The following TRIM17 variants were observed in gnomAD, a reference collection of about 807,000 sequenced individuals.
TRIM17 encodes the protein E3 ubiquitin-protein ligase TRIM17.
Under a neutral mutation model 35.8 loss-of-function variants are expected in TRIM17, and 27 were observed. The observed-to-expected ratio is 0.75, with a 90% confidence interval of 0.56 to 1.04. The LOEUF is 1.04. Ranked by LOEUF, TRIM17 falls within the 50% of genes least tolerant of loss-of-function variation. The pLI is 0.00. For synonymous variants in TRIM17, 246 were observed against 252.6 expected, an observed-to-expected ratio of 0.97 and a Z score of 0.25; for missense variants, 582 against 612.8, an observed-to-expected ratio of 0.95 and a Z score of 0.53.
At chr1:228,415,507 C>T (rs1446702883) in intron 1 of TRIM17, 1 of 163,470 alleles carries the variant, frequency 6.1e-6, no homozygotes, top group Non-Finnish European at 1.3e-5. Context: ...GGAGCCTTCC[C>T]TTAATCACTT....
Position 228,414,647 on chromosome 1 carries a change from G to T in TRIM17, c.426C>A (p.Tyr142Ter). 1.2e-6 allele frequency: 2 copies of T among 1,611,014 alleles called. No homozygotes were observed. The highest frequency in any genetic ancestry group is 2.2e-5 in the East Asian group (1 of 44,868). The change falls in exon 2 of 7, where the codon TAC becomes TAA. Residue 142 changes from tyrosine (Y) to a stop codon, truncating the protein, a stop_gained. Coordinates refer to ENST00000366698, the MANE Select transcript of TRIM17 (RefSeq NM_016102.4). LOFTEE classifies it high-confidence loss of function. ...VLPAEEAVQG[Y>*]KLKLEEDMEY... ...CCTGGGCCCCGATGTGGCCTACCTT[G>T]TACCCCTGCACTGCCTCCTCGGCGG...
rs775804041 is a variant in TRIM17, at chr1:228,409,234, G to T, written c.821C>A (p.Pro274Gln). 1 of 1,613,754 alleles carries T rather than the reference G, an allele frequency of 6.2e-7. No homozygotes were observed. The highest frequency in any genetic ancestry group is 8.5e-7 in the Non-Finnish European group (1 of 1,179,896). The stretch of plus-strand genomic sequence containing the variant: ...TCTGCACACAGTCCTGGGTCTGGTT[G>T]GGGGGGCAACCTCTGGGCACTGCAC... ...VSVQCPEVAPPTRPRTVCRVP... is the reference protein window; with the variant it reads ...VSVQCPEVAPQTRPRTVCRVP... The change falls in exon 6 of 7, where the codon CCA becomes CAA. Residue 274 changes from proline (P) to glutamine (Q), a missense_variant. Pro to Gln is a moderately conservative substitution (Grantham distance 76). Coordinates refer to ENST00000366698, the MANE Select transcript of TRIM17 (RefSeq NM_016102.4).
chr1:228,413,093 C>T (rs1321452510), intron 3 of TRIM17, among the ~76,000 whole-genome samples: 4 of 151,932 alleles, frequency 2.6e-5, no homozygotes, highest in South Asian at 2.1e-4. Context: ...CACCTATAGT[C>T]CCAGCTGCTT....
rs1303218364 is a variant in TRIM17, at chr1:228,411,552, A to G, written c.526-376T>C. ...CCCAGGCTGGAATGCAGTGGCACTT[A>G]TTGCAACCTTGACCTCCTGGGCTCA... On this transcript the variant is annotated intron_variant, in intron 3 of 6. Transcript: ENST00000366698. The surrounding 1 kb of genome is among the most constrained non-coding windows in gnomAD (Gnocchi z 4.2). 1.3e-5 allele frequency among the ~76,000 whole-genome samples: 2 copies of G among 151,676 alleles called. No individual in the cohort carries two copies. The highest frequency in any genetic ancestry group is 4.8e-5 in the African/African-American group (2 of 41,268).
In TRIM17 at chr1:228,408,628, G is replaced by T; in HGVS notation, c.1007C>A (p.Ala336Asp). Residue 336 changes from alanine (A) to aspartate (D), a missense_variant, in exon 7 of 7, where the codon GCT becomes GAT. Coordinates refer to ENST00000366698, the MANE Select transcript of TRIM17 (RefSeq NM_016102.4). This position sits in a 1 kb window ranked among gnomAD's most constrained non-coding sequence, Gnocchi z 6.3. Reference protein sequence around the residue: ...SGFCSKDRFVAYPCAVGQTAF... With the variant: ...SGFCSKDRFVDYPCAVGQTAF... Reference sequence around the variant, plus strand: ...CGTCTGGCCCACAGCACAGGGGTAAGCCACAAATCGGTCCTTGCTGCAGAA... The same window carrying T: ...CGTCTGGCCCACAGCACAGGGGTAATCCACAAATCGGTCCTTGCTGCAGAA... The T allele has an allele frequency of 6.2e-7, 1 of 1,613,640 alleles. No individual in the cohort carries two copies. The highest frequency in any genetic ancestry group is 8.5e-7 in the Non-Finnish European group (1 of 1,180,034).
rs897105122 is a variant in TRIM17 at position 228,410,174 on chromosome 1, C to T, written c.757-763G>A. Among the ~76,000 whole-genome samples, 10 of 151,694 alleles carry T rather than the reference C, an allele frequency of 6.6e-5. No individual in the cohort carries two copies. Among genetic ancestry groups the T allele is most frequent in the Admixed American group, 1.3e-4 (2 of 15,236 alleles). ...AGTGCAGTGGCGCAATAGCTCACTA[C>T]AGCCTTGAACTCACGGGCTCAAGCA... On this transcript the variant is annotated intron_variant, in intron 4 of 6. Transcript: ENST00000366698. The surrounding 1 kb of genome is among the most constrained non-coding windows in gnomAD (Gnocchi z 4.6).
chr1:228,408,193 G>C lies in TRIM17; in HGVS notation c.*8C>G. On this transcript the variant is annotated 3_prime_UTR_variant, in exon 7 of 7. Transcript: ENST00000366698. The surrounding 1 kb of genome is among the most constrained non-coding windows in gnomAD (Gnocchi z 6.3). ...CCAGGAGCAGTGCCCGAGTCCCCCG[G>C]TCTGTGTCTATCCTTTCACCCACAT... 1 of 1,516,796 alleles carries C rather than the reference G, an allele frequency of 6.6e-7. No individual in the cohort carries two copies. Among genetic ancestry groups the C allele is most frequent in the Non-Finnish European group, 8.8e-7 (1 of 1,132,914 alleles). The allele number at this position is 1,516,796 out of a possible 1,614,324, so 94.0% of individuals were successfully genotyped here.
intron 3 of TRIM17, among the ~76,000 whole-genome samples, chr1:228,412,977 G>C (rs181010506): frequency 2.0e-5 from 3 of 152,058 alleles, no homozygotes; most frequent in Non-Finnish European, 2.9e-5. Context: ...TTGGGAGGCC[G>C]AGGCAGGCAG....
Position 228,409,279 on chromosome 1 carries a change from C to T in TRIM17, c.780-4G>A, listed in dbSNP as rs753869989. On this transcript the variant is annotated splice_region_variant and splice_polypyrimidine_tract_variant and intron_variant, in intron 5 of 6. Coordinates refer to ENST00000366698, the MANE Select transcript of TRIM17 (RefSeq NM_016102.4). ...CTGCACACTCACGTTGTTCTTCCTC[C>T]GGTGGGCACACACAGGGGAGTCTTA... 6.8e-5 allele frequency: 110 copies of T among 1,613,174 alleles called. No homozygotes were observed. Among genetic ancestry groups the T allele is most frequent in the Middle Eastern group, 1.6e-4 (1 of 6,066 alleles).
rs1369866568 is a variant in TRIM17, at chr1:228,414,658, C to T, written c.415G>A (p.Val139Met). 10 of 1,611,418 alleles carry T rather than the reference C, an allele frequency of 6.2e-6. No individual in the cohort carries two copies. The highest frequency in any genetic ancestry group is 5.9e-6 in the Non-Finnish European group (7 of 1,179,972). ...LHRVLPAEEA[V>M]QGYKLKLEED... ...ATGTGGCCTACCTTGTACCCCTGCA[C>T]TGCCTCCTCGGCGGGCAGCACCCTG... Residue 139 changes from valine (V) to methionine (M), a missense_variant, in exon 2 of 7, where the codon GTG becomes ATG. Transcript: ENST00000366698.
At chr1:228,414,241 C>T (rs1656955841) in intron 2 of TRIM17, among the ~76,000 whole-genome samples, 1 of 152,172 alleles carries the variant, frequency 6.6e-6, no homozygotes, top group Non-Finnish European at 1.5e-5. Context: ...CTAAACTAAC[C>T]CTCATCCTCC....
At position 228,413,848 on chromosome 1, in the gene TRIM17, G is replaced by A. The variant is rs777598034; in HGVS notation, c.474C>T (p.Thr158=). 1.2e-5 allele frequency: 20 copies of A among 1,614,092 alleles called. No individual in the cohort carries two copies. Among genetic ancestry groups the A allele is most frequent in the Admixed American group, 3.3e-5 (2 of 60,006 alleles). Reference sequence around the variant, plus strand: ...CCCTGGCCTGCAGATTCCCTGTCCTGGTGATCTGCTCCCGAAGGTACTCCA... The same window carrying A: ...CCCTGGCCTGCAGATTCCCTGTCCTAGTGATCTGCTCCCGAAGGTACTCCA... ...EDMEYLREQI[T]RTGNLQAREE... The change falls in exon 3 of 7, where the codon ACC becomes ACT. Residue 158 remains threonine (T), a synonymous_variant. Transcript: ENST00000366698.
At chr1:228,412,311 C>T (rs1196727335) in intron 3 of TRIM17, among the ~76,000 whole-genome samples, 1 of 152,030 alleles carries the variant, frequency 6.6e-6, no homozygotes, top group Non-Finnish European at 1.5e-5. Context: ...GTACCTGTGT[C>T]CTGTGAAATG....
In TRIM17 at chr1:228,408,654, C is replaced by A. The variant is rs1356570881; in HGVS notation, c.981G>T (p.Gly327=). Residue 327 remains glycine, a synonymous_variant, in exon 7 of 7, where the codon GGG becomes GGT. Coordinates refer to ENST00000366698, the MANE Select transcript of TRIM17 (RefSeq NM_016102.4). The surrounding 1 kb of genome is among the most constrained non-coding windows in gnomAD (Gnocchi z 6.3). The part of the protein sequence containing the change: ...RYLGSSPEGS[G]FCSKDRFVAY... ...CCACAAATCGGTCCTTGCTGCAGAA[C>A]CCACTGCCCTCCGGCGAAGAGCCGA... The A allele has an allele frequency of 6.2e-7, 1 of 1,612,958 alleles. No individual in the cohort carries two copies. The highest frequency in any genetic ancestry group is 2.2e-5 in the East Asian group (1 of 44,880).
chr1:228,414,052 T>A (rs1656945056), intron 2 of TRIM17, among the ~76,000 whole-genome samples, 160 bp from the exon 3 acceptor site: 3 of 152,206 alleles, frequency 2.0e-5, no homozygotes, highest in Admixed American at 2.0e-4. Flanking sequence ...CTTGGATTAT[T>A]TTGAGCTGAA....
chr1:228,416,530 G>A lies in TRIM17; in HGVS notation c.-42+9C>T, dbSNP rs1195446660. The A allele has an allele frequency of 4.1e-6, 4 of 985,718 alleles. No individual in the cohort carries two copies. The African/African-American group carries it at 7.0e-5, about 17-fold the overall frequency. The allele number at this position is 985,718 out of a possible 1,614,324, so 61.1% of individuals were successfully genotyped here. A position where few individuals can be genotyped will look rare whatever the true frequency, so the allele number is the denominator to read the frequency against. ...GGGTAGCCTAGGCGGCGGGGTGGGG[G>A]CTACTCACCGCGGGGAAGGGGGGCC... On this transcript the variant is annotated intron_variant, in intron 1 of 6. Coordinates refer to ENST00000366698, the MANE Select transcript of TRIM17 (RefSeq NM_016102.4).
In TRIM17 at chr1:228,408,372, G is replaced by A. The variant is rs1656558085; in HGVS notation, c.1263C>T (p.Phe421=). 3 of 1,614,180 alleles carry A rather than the reference G, an allele frequency of 1.9e-6. No homozygotes were observed. ...LMEPPSHMGI[F]LDFEAGEVSF... is the part of the protein sequence containing the mutation. Reference sequence around the variant, plus strand: ...ACACTTCCCCGGCTTCGAAGTCCAGGAAGATGCCCATGTGGCTGGGAGGCT... The same window carrying A: ...ACACTTCCCCGGCTTCGAAGTCCAGAAAGATGCCCATGTGGCTGGGAGGCT... The change falls in exon 7 of 7, where the codon TTC becomes TTT. Residue 421 remains phenylalanine (F), a synonymous_variant. Coordinates refer to ENST00000366698, the MANE Select transcript of TRIM17 (RefSeq NM_016102.4). This position sits in a 1 kb window ranked among gnomAD's most constrained non-coding sequence, Gnocchi z 6.3.
Position 228,414,772 on chromosome 1 carries a change from C to T in TRIM17, c.301G>A (p.Glu101Lys). The change falls in exon 2 of 7, where the codon GAG becomes AAG. Residue 101 changes from glutamate to lysine, a missense_variant. Glu to Lys is a moderately conservative substitution (Grantham distance 56, BLOSUM62 1). Coordinates refer to ENST00000366698, the MANE Select transcript of TRIM17 (RefSeq NM_016102.4). The part of the protein sequence containing the change: ...PGLQKQDLCQ[E>K]HHEPLKLFCQ... ...AAAAGCTTGAGGGGCTCGTGGTGCT[C>T]CTGGCACAGGTCTTGCTTCTGCAGA... 6.2e-7 allele frequency: 1 copy of T among 1,613,094 alleles called. No homozygotes were observed. The highest frequency in any genetic ancestry group is 8.5e-7 in the Non-Finnish European group (1 of 1,180,040).
At chr1:228,413,648 G>A (rs1466957508) in intron 3 of TRIM17, 149 bp downstream of exon 3, 1 of 630,624 alleles carries the variant, frequency 1.6e-6, no homozygotes, top group African/African-American at 1.8e-5. Flanking sequence ...GTTTCATTCT[G>A]AGGCCAGCCA....
Sources: gnomAD v4.1 joint callset for allele counts (sites outside exome capture counted in the v4.1 genomes callset) on GRCh38, gnomAD v4.1.1 for gene constraint, Gnocchi (gnomAD v3.1) non-coding constraint, MANE v1.5 for transcripts, NCBI Gene and HGNC (gene_info 2026-07-23, HGNC 2026-07-21) for gene names.